Variants in LPAR6 observed in about 807,000 individuals in gnomAD.
LPAR6 encodes the protein lysophosphatidic acid receptor 6.
Under a neutral mutation model 22.0 loss-of-function variants are expected in LPAR6, and 17 were observed. The observed-to-expected ratio is 0.77, with a 90% CI of 0.53 to 1.16. The LOEUF (loss-of-function observed/expected upper bound fraction) is 1.16, where lower values mean the gene tolerates loss of function less well. Ranked by LOEUF, LPAR6 falls within the 50% of genes most tolerant of loss-of-function variation. LPAR6 has a pLI of 0.00. For missense variants in LPAR6, 384 were observed against 406.9 expected, an observed-to-expected ratio of 0.94 and a Z score of 0.48; for synonymous variants, 136 against 139.8, an observed-to-expected ratio of 0.97 and a Z score of 0.19.
chr13:48,408,691 A>G (rs1366029877), downstream of LPAR6: 1 of 152,190 alleles, frequency 6.6e-6, no homozygotes, highest in Admixed American at 6.5e-5. Flanking sequence ...ATAGTTCTAG[A>G]TGAGAAAACC....
downstream of LPAR6, among the ~76,000 whole-genome samples, chr13:48,407,977 A>G (rs564187186): frequency 5.3e-5 from 8 of 152,260 alleles, no homozygotes; most frequent in South Asian, 1.7e-3. Context: ...AGGACAAAAT[A>G]CTTGGTTCAT....
chr13:48,398,943 A>T (rs1208475041), intron 1 of LPAR6, among the ~76,000 whole-genome samples: 2 of 152,110 alleles, frequency 1.3e-5, no homozygotes, highest in Admixed American at 6.6e-5. Context: ...TGTGCAGTGC[A>T]CTGTGACTAT....
intron 2 of LPAR6, among the ~76,000 whole-genome samples, chr13:48,418,430 C>A (rs1948950794): frequency 6.6e-6 from 1 of 152,082 alleles, no homozygotes; most frequent in South Asian, 2.1e-4. Flanking sequence ...CAAAAACATA[C>A]CAAATTGTAA....
At chr13:48,425,372 G>C (rs1416111487) in intron 1 of LPAR6, among the ~76,000 whole-genome samples, 1 of 152,180 alleles carries the variant, frequency 6.6e-6, no homozygotes, top group East Asian at 1.9e-4. Context: ...GTCCTACTCT[G>C]AATTCCTGGA....
chr13:48,440,004 A>G (rs952621582), intron 1 of LPAR6, among the ~76,000 whole-genome samples: 2 of 152,192 alleles, frequency 1.3e-5, no homozygotes, highest in African/African-American at 4.8e-5. Context: ...TTTTATATGT[A>G]TATGAGAGAA....
intron 2 of LPAR6, among the ~76,000 whole-genome samples, chr13:48,418,662 T>G (rs182872467): frequency 6.7e-6 from 1 of 149,438 alleles, no homozygotes; most frequent in East Asian, 2.0e-4. Context: ...CAAAGACACG[T>G]GCTCTAAATA....
intron 1 of LPAR6, among the ~76,000 whole-genome samples, chr13:48,394,330 TG>T (rs1948631956): frequency 6.6e-6 from 1 of 152,178 alleles, no homozygotes; most frequent in African/African-American, 2.4e-5. Flanking sequence ...GGCAGCTGTT[TG>T]GGCAGATACC....
Position 48,412,085 on chromosome 13 carries a change from A to G in LPAR6, c.339T>C (p.Asp113=). The G allele has an allele frequency of 3.1e-6, 5 of 1,613,180 alleles. No individual in the cohort carries two copies. The highest frequency in any genetic ancestry group is 4.2e-6 in the Non-Finnish European group (5 of 1,179,518). ...SILFLTCISV[D]RFLAIVYPFK... is the part of the protein sequence containing the mutation. ...ATGGGTAGACAATTGCCAGAAATCG[A>G]TCTACACTAATACAGGTTAAGAACA... is the stretch of plus-strand genomic sequence containing the variant. Residue 113 remains aspartate (D), a synonymous_variant, in exon 1 of 1, where the codon GAT becomes GAC. Coordinates refer to ENST00000620633, the MANE Select transcript of LPAR6 (RefSeq NM_001162498.3).
chr13:48,431,665 T>C (rs149356309), upstream of LPAR6, among the ~76,000 whole-genome samples: 1 of 152,286 alleles, frequency 6.6e-6, no homozygotes, highest in East Asian at 1.9e-4. Context: ...CGAGCACTAC[T>C]CCAGAAAGGT....
intron 1 of LPAR6, among the ~76,000 whole-genome samples, chr13:48,433,268 G>T (rs1368882065): frequency 6.7e-6 from 1 of 150,222 alleles, no homozygotes; most frequent in African/African-American, 2.4e-5. Context: ...AGTATACCTG[G>T]GTAAATATAG....
intron 1 of LPAR6, among the ~76,000 whole-genome samples, chr13:48,423,140 G>A (rs36000679): frequency 0.025 from 3,829 of 152,162 alleles, 72 homozygotes; most frequent in Non-Finnish European, 0.041. Context: ...AAATAAATAA[G>A]TAAATAAATA....
chr13:48,438,770 G>A (rs866098851), intron 1 of LPAR6, among the ~76,000 whole-genome samples: 3 of 152,074 alleles, frequency 2.0e-5, no homozygotes, highest in Admixed American at 2.0e-4. Context: ...TATAAGTAAT[G>A]TGGTTGGTGC....
In LPAR6 at chr13:48,412,314, A is replaced by G. The variant is rs187575622; in HGVS notation, c.110T>C (p.Val37Ala). The G allele has an allele frequency of 8.4e-5, 136 of 1,613,242 alleles. No individual in the cohort carries two copies. The East Asian group carries it at 1.2e-3, about 14-fold the overall frequency. The change falls in exon 1 of 1, where the codon GTT (valine) becomes GCT (alanine). Residue 37 changes from valine to alanine, a missense_variant. Transcript: ENST00000620633. ...GACGCAGATGAAAATGTATATGGCA[A>G]CACAATTGGATATTAACCCAAGCAC... ...VFVLGLISNC[V>A]AIYIFICVLK...
At chr13:48,428,549 A>G (rs768810366), upstream of LPAR6, among the ~76,000 whole-genome samples, 5 of 152,284 alleles carry the variant, frequency 3.3e-5, no homozygotes, top group Admixed American at 6.5e-5. Flanking sequence ...CTTGGTCCAT[A>G]GCTTAGGTAA....
Position 48,412,012 on chromosome 13 carries a change from T to C in LPAR6, c.412A>G (p.Thr138Ala). 1 of 1,612,240 alleles carries C rather than the reference T, an allele frequency of 6.2e-7. No individual in the cohort carries two copies. The highest frequency in any genetic ancestry group is 1.1e-5 in the South Asian group (1 of 90,860). Residue 138 changes from threonine to alanine, a missense_variant, in exon 1 of 1, where the codon ACT (threonine) becomes GCT (alanine). Thr to Ala is a moderately conservative substitution (Grantham distance 58). Coordinates refer to ENST00000620633, the MANE Select transcript of LPAR6 (RefSeq NM_001162498.3). ...RTKRNAKIVC[T>A]GVWLTVIGGS... ...CCGATCACAGTTAACCACACGCCAGTGCAAACAATCTTTGCATTTCTTTTG... is the reference window on the plus strand; with the variant it reads ...CCGATCACAGTTAACCACACGCCAGCGCAAACAATCTTTGCATTTCTTTTG...
intron 1 of LPAR6, among the ~76,000 whole-genome samples, chr13:48,423,357 C>T (rs1331478561): frequency 6.6e-6 from 1 of 152,056 alleles, no homozygotes; most frequent in Non-Finnish European, 1.5e-5. Context: ...TCACTGCAAC[C>T]TCCGCAGGTT....
chr13:48,422,016 G>A (rs528402565), intron 2 of LPAR6, among the ~76,000 whole-genome samples: 1 of 152,026 alleles, frequency 6.6e-6, no homozygotes, highest in East Asian at 1.9e-4. Context: ...CCCATTACTG[G>A]GTATATACCC....
chr13:48,432,805 A>G (rs1271302520), intron 1 of LPAR6, among the ~76,000 whole-genome samples: 2 of 152,150 alleles, frequency 1.3e-5, no homozygotes, highest in African/African-American at 4.8e-5. Context: ...TAGGAGAGAT[A>G]TTACTATTAA....
intron 1 of LPAR6, among the ~76,000 whole-genome samples, chr13:48,395,928 C>T (rs567620892): frequency 3.9e-5 from 6 of 152,154 alleles, no homozygotes; most frequent in African/African-American, 7.2e-5. Context: ...GACATATAAT[C>T]GTCAGATTCA....
Sources: gnomAD v4.1 joint callset for allele counts (sites outside exome capture counted in the v4.1 genomes callset) on GRCh38, gnomAD v4.1.1 for gene constraint, MANE v1.5 for transcripts, NCBI Gene and HGNC (gene_info 2026-07-23, HGNC 2026-07-21) for gene names.